Variants in FAM210A observed in about 807,000 individuals in gnomAD.
FAM210A encodes the protein family with sequence similarity 210 member A.
FAM210A carries 13 observed loss-of-function variants against 25.3 expected under a neutral mutation model. The ratio of observed to expected loss-of-function variants is 0.51; its 90% CI spans 0.33 to 0.82. The LOEUF (loss-of-function observed/expected upper bound fraction) is 0.82. Among genes scored for constraint, FAM210A ranks in the 40% least tolerant of loss-of-function variants. The pLI is 0.02. For synonymous variants in FAM210A, 125 were observed against 118.7 expected (o/e 1.05, Z -0.35); for missense variants, 319 against 323.2 (o/e 0.99, Z 0.10).
chr18:13,682,084 G>T lies in FAM210A; in HGVS notation c.-7C>A. ...GTGGTACATTCCATTGCATTTTGAA[G>T]AGTGTTGATAGGTTTCAGCTTCTAC... On this transcript the variant is annotated 5_prime_UTR_variant, in exon 2 of 4. Transcript: ENST00000651643. The T allele has an allele frequency of 6.4e-7, 1 of 1,564,854 alleles. No homozygotes were observed.
At chr18:13,705,110 T>C (rs1214724413) in intron 1 of FAM210A, among the ~76,000 whole-genome samples, 1 of 152,200 alleles carries the variant, frequency 6.6e-6, no homozygotes, top group Admixed American at 6.5e-5. Flanking sequence ...CTAACCCAAG[T>C]AGACAGAAAT....
chr18:13,705,035 T>C (rs1250057088), intron 1 of FAM210A, among the ~76,000 whole-genome samples: 1 of 152,210 alleles, frequency 6.6e-6, no homozygotes, highest in Non-Finnish European at 1.5e-5. Flanking sequence ...CTTAGAATCA[T>C]ATCATTTAAT....
intron 1 of FAM210A, among the ~76,000 whole-genome samples, chr18:13,690,746 C>T (rs1164552236): frequency 6.6e-6 from 1 of 152,138 alleles, no homozygotes; most frequent in Non-Finnish European, 1.5e-5. Flanking sequence ...ACCAAAACCC[C>T]ATCTGTACAT....
intron 1 of FAM210A, among the ~76,000 whole-genome samples, chr18:13,696,793 CTAAA>C (rs1410194605): frequency 8.5e-5 from 13 of 152,240 alleles, no homozygotes; most frequent in East Asian, 1.9e-4. Flanking sequence ...CAATTTATTA[CTAAA>C]TAAATTTTTA....
chr18:13,670,722 A>C (rs1224780620), intron 3 of FAM210A: 1 of 152,254 alleles, frequency 6.6e-6, no homozygotes, highest in Non-Finnish European at 1.5e-5. Context: ...GGCCGGCTGC[A>C]GTGGGTCTCA....
rs757615829 is a variant in FAM210A, at chr18:13,671,852, C to T, written c.585+10G>A. The T allele has an allele frequency of 5.7e-6, 9 of 1,581,796 alleles. No homozygotes were observed. The East Asian group carries it at 2.0e-4, about 35-fold the overall frequency. ...GTTCTGAGGAGCAATGGGTTTGTTA[C>T]AGTACCCACCTTAAACAAGGCATAT... On this transcript the variant is annotated intron_variant, in intron 3 of 3. Coordinates refer to ENST00000651643, the MANE Select transcript of FAM210A (RefSeq NM_152352.4).
intron 1 of FAM210A, among the ~76,000 whole-genome samples, chr18:13,695,562 T>C (rs2043685075): frequency 6.6e-6 from 1 of 152,132 alleles, no homozygotes; most frequent in African/African-American, 2.4e-5. Flanking sequence ...ACGTCCTTTG[T>C]AGGGACATGG....
In FAM210A at chr18:13,695,479, G is replaced by A. The variant is rs139353087; in HGVS notation, c.-28-13374C>T. ...GGGACCAACCCAAATGTCCATCAACGATAGACTGGATTAAGAAAATGTGGC... is the reference window on the plus strand; with the variant it reads ...GGGACCAACCCAAATGTCCATCAACAATAGACTGGATTAAGAAAATGTGGC... On this transcript the variant is annotated intron_variant, in intron 1 of 3. Coordinates refer to ENST00000651643, the MANE Select transcript of FAM210A (RefSeq NM_152352.4). Among the ~76,000 whole-genome samples, 103 of 152,254 alleles carry A rather than the reference G, an allele frequency of 6.8e-4. 1 individual carries two copies. The highest frequency in any genetic ancestry group is 2.3e-3 in the African/African-American group (97 of 41,550).
intron 1 of FAM210A, 134 bp from the exon 2 acceptor site, chr18:13,682,239 TTAGGGTA>T (rs2043561625): frequency 9.3e-6 from 6 of 646,484 alleles, no homozygotes; most frequent in Non-Finnish European, 1.3e-5. Context: ...AAAACTGATG[TTAGGGTA>T]TAGAGTTTAA....
At chr18:13,711,459 CCTCCCATACCAAAATG>C (rs1310209516) in intron 1 of FAM210A, among the ~76,000 whole-genome samples, 3 of 152,154 alleles carry the variant, frequency 2.0e-5, no homozygotes, top group Non-Finnish European at 4.4e-5. Flanking sequence ...TTTTTCACTA[CCTCCCATACCAAAATG>C]CTCCTATTAA....
At chr18:13,713,299 A>G (rs2043835829) in intron 1 of FAM210A, among the ~76,000 whole-genome samples, 1 of 152,170 alleles carries the variant, frequency 6.6e-6, no homozygotes, top group South Asian at 2.1e-4. Context: ...ATAACTTACA[A>G]TTTCCATACC....
At position 13,665,409 on chromosome 18, in the gene FAM210A, C is replaced by CAAAAAAAAAAAAAAAAAAAAAAAA. The variant is rs1555788360; in HGVS notation, c.*1070_*1071insTTTTTTTTTTTTTTTTTTTTTTTT. On this transcript the variant is annotated 3_prime_UTR_variant, in exon 4 of 4. Transcript: ENST00000651643. ...AAAAAAAAAAAAAAAAAAAAAAAAT[C>CAAAAAAAAAAAAAAAAAAAAAAAA]AAGTAGAATGCTCAAACAAGGATAT... 1.0e-4 allele frequency: 9 copies of CAAAAAAAAAAAAAAAAAAAAAAAA among 89,656 alleles called. No homozygotes were observed. Among genetic ancestry groups the CAAAAAAAAAAAAAAAAAAAAAAAA allele is most frequent in the Middle Eastern group, 6.4e-3 (1 of 156 alleles). 5.6% of individuals were successfully genotyped at this position (89,656 alleles called of 1,614,324 possible).
chr18:13,699,634 C>T (rs1224990811), intron 1 of FAM210A, among the ~76,000 whole-genome samples: 3 of 152,200 alleles, frequency 2.0e-5, no homozygotes, highest in Non-Finnish European at 4.4e-5. Context: ...CTTTCCTTTT[C>T]ACTTCTGACA....
rs1370178968 is a variant in FAM210A at position 13,663,486 on chromosome 18, T to C, written c.*2994A>G. ...AAAAGGCTGTCTCAGTGAAATACATTTTTTGATGTGGTTGGTTTTGCTCTT... is the reference window on the plus strand; with the variant it reads ...AAAAGGCTGTCTCAGTGAAATACATCTTTTGATGTGGTTGGTTTTGCTCTT... On this transcript the variant is annotated 3_prime_UTR_variant, in exon 4 of 4. Transcript: ENST00000651643. 6.6e-6 allele frequency: 1 copy of C among 152,140 alleles called. No individual in the cohort carries two copies. The highest frequency in any genetic ancestry group is 6.5e-5 in the Admixed American group (1 of 15,288). The allele number at this position is 152,140 out of a possible 1,614,324, so 9.4% of individuals were successfully genotyped here.
intron 1 of FAM210A, among the ~76,000 whole-genome samples, chr18:13,700,253 T>A (rs1168354946): frequency 6.6e-6 from 1 of 152,198 alleles, no homozygotes; most frequent in Non-Finnish European, 1.5e-5. Flanking sequence ...AACCCTTCCA[T>A]TGGAGAAACT....
intron 1 of FAM210A, among the ~76,000 whole-genome samples, chr18:13,716,368 C>T (rs1336539757): frequency 6.6e-6 from 1 of 152,160 alleles, no homozygotes; most frequent in African/African-American, 2.4e-5. Flanking sequence ...ATCAAAAGGA[C>T]AGGGCTCATA....
chr18:13,711,998 G>A (rs2043825593), intron 1 of FAM210A, among the ~76,000 whole-genome samples: 1 of 152,134 alleles, frequency 6.6e-6, no homozygotes, highest in African/African-American at 2.4e-5. Context: ...ACTGTGGAGA[G>A]TACTGTGCAA....
intron 1 of FAM210A, among the ~76,000 whole-genome samples, chr18:13,692,008 A>G (rs1013637199): frequency 1.4e-5 from 2 of 145,362 alleles, no homozygotes; most frequent in African/African-American, 5.2e-5. Context: ...CAGGAGACCC[A>G]TCTCACATGC....
chr18:13,697,099 T>C (rs562381158), intron 1 of FAM210A, among the ~76,000 whole-genome samples: 12 of 152,360 alleles, frequency 7.9e-5, no homozygotes, highest in Admixed American at 5.2e-4. Context: ...CTAGGAACAA[T>C]AGGCTGTACC....
Sources: allele counts gnomAD v4.1 joint callset (sites outside exome capture counted in the v4.1 genomes callset), GRCh38; gene constraint gnomAD v4.1.1; transcripts MANE v1.5; gene names NCBI Gene and HGNC (gene_info 2026-07-23, HGNC 2026-07-21).